Variants in CHRM3 observed in about 807,000 individuals in gnomAD.
The protein encoded by CHRM3 is cholinergic receptor muscarinic 3.
CHRM3 carries 11 observed loss-of-function variants against 41.8 expected under a neutral mutation model. The observed-to-expected ratio is 0.26, with a 90% CI of 0.17 to 0.44. The LOEUF (loss-of-function observed/expected upper bound fraction) is 0.44, where lower values mean the gene tolerates loss of function less well. Ranked by LOEUF, CHRM3 falls within the 20% of genes least tolerant of loss-of-function variation. CHRM3 has a pLI of 1.00. For synonymous variants in CHRM3, 297 were observed against 301.4 expected (o/e 0.99, Z 0.15); for missense variants, 571 against 745.4 (o/e 0.77, Z 2.72).
chr1:239,565,157 G>A (rs975399425), intron 3 of CHRM3, among the ~76,000 whole-genome samples: 30 of 152,060 alleles, frequency 2.0e-4, no homozygotes, highest in Non-Finnish European at 2.4e-4. Context: ...TGGATAATTC[G>A]GGATAATCTC....
intron 1 of CHRM3, among the ~76,000 whole-genome samples, chr1:239,469,598 C>T (rs1379478673): frequency 6.6e-6 from 1 of 151,896 alleles, no homozygotes; most frequent in African/African-American, 2.4e-5. Flanking sequence ...TCTCTGCTGC[C>T]CAGGCTGGAA....
At chr1:239,852,358 C>G (rs771803506) in intron 6 of CHRM3, among the ~76,000 whole-genome samples, 4 of 152,060 alleles carry the variant, frequency 2.6e-5, no homozygotes, top group Non-Finnish European at 2.9e-5. Flanking sequence ...GCTGTGTGCC[C>G]CTCTGGAAAC....
chr1:239,898,596 A>G (rs965423785), intron 6 of CHRM3, among the ~76,000 whole-genome samples: 2 of 152,178 alleles, frequency 1.3e-5, no homozygotes, highest in African/African-American at 2.4e-5. Context: ...AATAATTATT[A>G]TTATAGACGT....
At chr1:239,420,187 C>T (rs1465268542) in intron 1 of CHRM3, among the ~76,000 whole-genome samples, 1 of 152,086 alleles carries the variant, frequency 6.6e-6, no homozygotes, top group Admixed American at 6.6e-5. Context: ...TTTTCATCAC[C>T]CAAAGCACTC....
At chr1:239,796,079 A>G (rs1669741693) in intron 5 of CHRM3, among the ~76,000 whole-genome samples, 1 of 152,182 alleles carries the variant, frequency 6.6e-6, no homozygotes, top group African/African-American at 2.4e-5. Context: ...TCCTGTTGCT[A>G]TTATAGTTTA....
intron 5 of CHRM3, among the ~76,000 whole-genome samples, chr1:239,809,853 T>G (rs915274573): frequency 2.0e-5 from 3 of 152,102 alleles, no homozygotes; most frequent in African/African-American, 7.2e-5. Flanking sequence ...TCCTTTCCAC[T>G]GAGATGTTTG....
chr1:239,514,858 A>G (rs1669153810), intron 2 of CHRM3, among the ~76,000 whole-genome samples: 1 of 152,118 alleles, frequency 6.6e-6, no homozygotes, highest in Non-Finnish European at 1.5e-5. Context: ...AAACTTGCAG[A>G]CAAGAGATAC....
intron 5 of CHRM3, among the ~76,000 whole-genome samples, chr1:239,767,897 C>T (rs1018160643): frequency 1.3e-5 from 2 of 151,916 alleles, no homozygotes; most frequent in Non-Finnish European, 2.9e-5. Context: ...GTTTAAGAGC[C>T]GGCCCTGGTT....
intron 1 of CHRM3, among the ~76,000 whole-genome samples, chr1:239,405,137 C>G (rs1040108395): frequency 4.6e-5 from 7 of 152,058 alleles, no homozygotes; most frequent in African/African-American, 1.7e-4. Flanking sequence ...AATCATACAA[C>G]TAATACTTTT....
rs549872595 is a variant in CHRM3 at position 239,876,463 on chromosome 1, G to A, written c.-19-30970G>A. ...GCTTATGGAAGGCCCTAACTGGAAC[G>A]TGGAAAGCCATTAGGATCCTAGCAG... On this transcript the variant is annotated intron_variant, in intron 6 of 6. Transcript: ENST00000676153. Among the ~76,000 whole-genome samples, 28 of 152,318 alleles carry A rather than the reference G, an allele frequency of 1.8e-4. 1 individual carries two copies. Among genetic ancestry groups the A allele is most frequent in the Admixed American group, 1.6e-3 (24 of 15,308 alleles).
At position 239,444,893 on chromosome 1, in the gene CHRM3, TA is replaced by T. The variant is rs1664010574; in HGVS notation, c.-520-47815del. On this transcript the variant is annotated intron_variant, in intron 1 of 6. Transcript: ENST00000676153. ...GTTGGATTTGTTGATTATTTACCCA[TA>T]GGGGCGGAGATAGTAAAAGAAAGAG... 2.6e-5 allele frequency among the ~76,000 whole-genome samples: 4 copies of T among 152,152 alleles called. No homozygotes were observed. In the South Asian group the frequency reaches 6.2e-4, roughly 24 times the overall value.
At chr1:239,526,831 A>T (rs1346876159) in intron 2 of CHRM3, among the ~76,000 whole-genome samples, 2 of 152,136 alleles carry the variant, frequency 1.3e-5, no homozygotes, top group African/African-American at 4.8e-5. Flanking sequence ...TCCTTATAAC[A>T]TAAGTCATGG....
At chr1:239,415,811 T>TAAG (rs1661449532) in intron 1 of CHRM3, among the ~76,000 whole-genome samples, 1 of 152,200 alleles carries the variant, frequency 6.6e-6, no homozygotes, top group Non-Finnish European at 1.5e-5. Flanking sequence ...TAGTATCATC[T>TAAG]AGGCACTGAG....
Position 239,642,763 on chromosome 1 carries a change from A to G in CHRM3, c.-250+10477A>G, listed in dbSNP as rs891756767. 3.9e-5 allele frequency among the ~76,000 whole-genome samples: 6 copies of G among 151,934 alleles called. No homozygotes were observed. In the East Asian group the frequency reaches 5.8e-4, roughly 15 times the overall value. On this transcript the variant is annotated intron_variant, in intron 4 of 6. Coordinates refer to ENST00000676153, the MANE Select transcript of CHRM3 (RefSeq NM_001375978.1). ...GATCATCTGAAGCCTTCTTCTCTCA[A>G]CTCGTCAAAGTCATTCTCCATCCAG...
chr1:239,529,991 A>G (rs971155666), intron 2 of CHRM3, among the ~76,000 whole-genome samples: 3 of 151,842 alleles, frequency 2.0e-5, no homozygotes, highest in Non-Finnish European at 4.4e-5. Flanking sequence ...TCCGCCTCCC[A>G]GGTTCACGCC....
At chr1:239,734,696 A>T (rs952214950) in intron 5 of CHRM3, among the ~76,000 whole-genome samples, 5 of 152,082 alleles carry the variant, frequency 3.3e-5, no homozygotes, top group Non-Finnish European at 7.4e-5. Flanking sequence ...CTTATTTTTT[A>T]AGTTGGGATA....
Position 239,904,270 on chromosome 1 carries a change from A to C in CHRM3, c.-19-3163A>C, listed in dbSNP as rs114684219. On this transcript the variant is annotated intron_variant, in intron 6 of 6. Transcript: ENST00000676153. ...ATAAACACAGGCCCGGTGCTGGAAAACCAAACTGGATGAATAAAGATGATA... is the reference window on the plus strand; with the variant it reads ...ATAAACACAGGCCCGGTGCTGGAAACCCAAACTGGATGAATAAAGATGATA... Among the ~76,000 whole-genome samples, 957 of 152,264 alleles carry C rather than the reference A, an allele frequency of 6.3e-3. 8 individuals are homozygous for C. Among genetic ancestry groups the C allele is most frequent in the African/African-American group, 0.022 (919 of 41,554 alleles).
intron 3 of CHRM3, among the ~76,000 whole-genome samples, chr1:239,612,385 G>A (rs1016898538): frequency 6.6e-6 from 1 of 151,998 alleles, no homozygotes; most frequent in Non-Finnish European, 1.5e-5. Context: ...CATAAACTAA[G>A]GATTTCAGGA....
chr1:239,413,054 G>A (rs1419241448), intron 1 of CHRM3, among the ~76,000 whole-genome samples: 1 of 150,188 alleles, frequency 6.7e-6, no homozygotes. Flanking sequence ...TTCCAGCCTG[G>A]TGACAGAGCG....
Sources: allele counts gnomAD v4.1 joint callset (sites outside exome capture counted in the v4.1 genomes callset), GRCh38; gene constraint gnomAD v4.1.1; transcripts MANE v1.5; gene names NCBI Gene and HGNC (gene_info 2026-07-23, HGNC 2026-07-21).